PLPP1: variants seen among roughly 807,000 people sequenced by gnomAD.
PLPP1 encodes phospholipid phosphatase 1.
In PLPP1, 24 loss-of-function variants were observed where a neutral mutation model predicts 31.2. That is an observed-to-expected ratio of 0.77 (90% CI 0.56 to 1.08). The LOEUF (loss-of-function observed/expected upper bound fraction) is 1.08, where lower values mean the gene tolerates loss of function less well. PLPP1 is among the 50% of genes least tolerant of loss of function. The pLI is 0.00. For synonymous variants in PLPP1, 146 were observed against 126.3 expected, an observed-to-expected ratio of 1.16 and a Z score of -1.05; for missense variants, 319 against 342.7, an observed-to-expected ratio of 0.93 and a Z score of 0.55.
At chr5:55,508,021 C>T (rs924600251) in intron 1 of PLPP1, among the ~76,000 whole-genome samples, 3 of 151,972 alleles carry the variant, frequency 2.0e-5, no homozygotes, top group Non-Finnish European at 4.4e-5. Context: ...CCATGCCTGG[C>T]TAATTTTTAT....
intron 4 of PLPP1, among the ~76,000 whole-genome samples, chr5:55,434,721 A>G (rs1262861116): frequency 6.6e-6 from 1 of 152,134 alleles, no homozygotes; most frequent in East Asian, 1.9e-4. Context: ...GGATATCCAT[A>G]TGCAGAAGAA....
intron 1 of PLPP1, among the ~76,000 whole-genome samples, chr5:55,488,562 C>A (rs1317003785): frequency 1.3e-5 from 2 of 152,144 alleles, no homozygotes; most frequent in South Asian, 2.1e-4. Context: ...AGGAGAATTG[C>A]TTGTACCTGG....
At chr5:55,453,986 G>T (rs542628935) in intron 3 of PLPP1, among the ~76,000 whole-genome samples, 1 of 151,980 alleles carries the variant, frequency 6.6e-6, no homozygotes, top group Non-Finnish European at 1.5e-5. Flanking sequence ...CAAAACAAAC[G>T]TAAGCAGCAC....
chr5:55,443,188 A>ATATATATATATAT (rs1441572082), intron 3 of PLPP1, among the ~76,000 whole-genome samples: 4 of 17,682 alleles, frequency 2.3e-4, no homozygotes, highest in Non-Finnish European at 3.3e-4. Flanking sequence ...AAAAAAAAAA[A>ATATATATATATAT]AAAAATATAT....
chr5:55,448,127 C>A (rs1323639269), intron 3 of PLPP1, among the ~76,000 whole-genome samples: 1 of 152,136 alleles, frequency 6.6e-6, no homozygotes, highest in Non-Finnish European at 1.5e-5. Flanking sequence ...ATAAACTTTT[C>A]CTAAGTATAT....
At chr5:55,530,764 A>C in intron 1 of PLPP1, 1 of 1,561,904 alleles carries the variant, frequency 6.4e-7, no homozygotes, top group South Asian at 1.1e-5. Flanking sequence ...TGCAGTCAGG[A>C]AACATTTTCT....
At chr5:55,459,324 A>C (rs1380502098) in intron 3 of PLPP1, among the ~76,000 whole-genome samples, 1 of 152,144 alleles carries the variant, frequency 6.6e-6, no homozygotes, top group Admixed American at 6.6e-5. Flanking sequence ...GGACAAAAAG[A>C]CAATTCAACA....
At position 55,425,343 on chromosome 5, in the gene PLPP1, C is replaced by T. The variant is rs751889324; in HGVS notation, c.727-9G>A. ...TCCGATACATATACAGCCTACAGTG[C>T]AAAATATTTAATGGTATAATTTAGA... On this transcript the variant is annotated splice_polypyrimidine_tract_variant and intron_variant, in intron 5 of 5. Coordinates refer to ENST00000307259, the MANE Select transcript of PLPP1 (RefSeq NM_003711.4). 2 of 1,584,244 alleles carry T rather than the reference C, an allele frequency of 1.3e-6. No homozygotes were observed. The highest frequency in any genetic ancestry group is 2.3e-5 in the South Asian group (2 of 88,768).
chr5:55,529,766 T>TAACA (rs1554042850), intron 1 of PLPP1, among the ~76,000 whole-genome samples: 90 of 151,672 alleles, frequency 5.9e-4, no homozygotes, highest in African/African-American at 2.1e-3. Flanking sequence ...TGTTAGATTA[T>TAACA]ATCACATCGT....
chr5:55,500,372 C>A (rs1452449901), intron 1 of PLPP1, among the ~76,000 whole-genome samples: 1 of 152,114 alleles, frequency 6.6e-6, no homozygotes, highest in Non-Finnish European at 1.5e-5. Context: ...AGCCACCACG[C>A]CTGGCCTAAA....
chr5:55,498,139 T>TA (rs1753043001), intron 1 of PLPP1, among the ~76,000 whole-genome samples: 1 of 152,086 alleles, frequency 6.6e-6, no homozygotes, highest in South Asian at 2.1e-4. Context: ...GAGTCTATAT[T>TA]AAGACTACAT....
At chr5:55,445,054 A>G (rs1751729575) in intron 3 of PLPP1, among the ~76,000 whole-genome samples, 1 of 151,976 alleles carries the variant, frequency 6.6e-6, no homozygotes. Flanking sequence ...CTAGCCTGGG[A>G]TTCTATTTCA....
chr5:55,441,966 G>C, intron 3 of PLPP1, 58 bp from the exon 4 acceptor site: 1 of 1,503,048 alleles, frequency 6.7e-7, no homozygotes, highest in Non-Finnish European at 9.2e-7. Flanking sequence ...AAGTATTGTT[G>C]ATTTCATAAA....
chr5:55,456,899 C>T (rs1006858139), intron 3 of PLPP1, among the ~76,000 whole-genome samples: 5 of 152,124 alleles, frequency 3.3e-5, no homozygotes, highest in Admixed American at 6.5e-5. Context: ...CAGTGGCTCA[C>T]GCCTATAATC....
intron 1 of PLPP1, among the ~76,000 whole-genome samples, chr5:55,524,304 A>G (rs1753735290): frequency 6.6e-6 from 1 of 152,178 alleles, no homozygotes; most frequent in Admixed American, 6.5e-5. Context: ...GTTTTAAGAA[A>G]GTTTACAAAT....
intron 1 of PLPP1, among the ~76,000 whole-genome samples, chr5:55,518,978 A>T (rs1753608896): frequency 6.6e-6 from 1 of 152,314 alleles, no homozygotes; most frequent in South Asian, 2.1e-4. Context: ...TTACACTTTG[A>T]ACTCTTTAAA....
At chr5:55,511,300 C>G (rs1485308585) in intron 1 of PLPP1, among the ~76,000 whole-genome samples, 2 of 152,208 alleles carry the variant, frequency 1.3e-5, no homozygotes, top group African/African-American at 4.8e-5. Context: ...TCCACAAGGA[C>G]GTTGTACACA....
intron 3 of PLPP1, among the ~76,000 whole-genome samples, chr5:55,445,927 T>C (rs964384791): frequency 6.6e-6 from 1 of 152,192 alleles, no homozygotes; most frequent in Non-Finnish European, 1.5e-5. Context: ...GAGGCTATCA[T>C]TGCGCTATCT....
chr5:55,464,897 C>A (rs1453288439), intron 3 of PLPP1, among the ~76,000 whole-genome samples: 1 of 152,072 alleles, frequency 6.6e-6, no homozygotes, highest in East Asian at 1.9e-4. Flanking sequence ...CAAATTTATT[C>A]AATTGTACAC....
Sources: allele counts gnomAD v4.1 joint callset (sites outside exome capture counted in the v4.1 genomes callset), GRCh38; gene constraint gnomAD v4.1.1; transcripts MANE v1.5; gene names NCBI Gene and HGNC (gene_info 2026-07-23, HGNC 2026-07-21).